PPP1CC: variants seen among roughly 807,000 people sequenced by gnomAD.
PPP1CC encodes protein phosphatase 1 catalytic subunit gamma.
PPP1CC carries 16 observed loss-of-function variants against 38.4 expected under a neutral mutation model. The observed-to-expected ratio is 0.42, with a 90% CI of 0.28 to 0.63. PPP1CC has a LOEUF of 0.63. Ranked by LOEUF, PPP1CC falls within the 30% of genes least tolerant of loss-of-function variation. PPP1CC has a pLI of 0.25. For missense variants in PPP1CC, 170 were observed against 391.3 expected (o/e 0.43, Z 4.77); for synonymous variants, 158 against 136.0 (o/e 1.16, Z -1.13).
In PPP1CC at chr12:110,740,509, A is replaced by G. The variant is rs185196358; in HGVS notation, c.55+2144T>C. 5.6e-4 allele frequency among the ~76,000 whole-genome samples: 85 copies of G among 152,264 alleles called. 2 individuals are homozygous for G. In the East Asian group the frequency reaches 0.013, roughly 23 times the overall value. On this transcript the variant is annotated intron_variant, in intron 1 of 6. Transcript: ENST00000335007. ...CATCATTTAACTTAGATATCTACAT[A>G]TCCTCAATGGATCATCTTCAACTGT...
At chr12:110,714,661 G>T in the PPP1CC span, among the ~76,000 whole-genome samples, 1 of 151,310 alleles carries the variant, frequency 6.6e-6, no homozygotes, top group Non-Finnish European at 1.5e-5. Flanking sequence ...ATAAAAATTA[G>T]CTGGGTGTGT....
At chr12:110,736,255 T>C (rs2069943636) in intron 1 of PPP1CC, among the ~76,000 whole-genome samples, 1 of 152,232 alleles carries the variant, frequency 6.6e-6, no homozygotes, top group African/African-American at 2.4e-5. Context: ...TGTAGAAATG[T>C]ATCTGATCTA....
chr12:110,740,011 C>T (rs965214350), intron 1 of PPP1CC, among the ~76,000 whole-genome samples: 1 of 152,182 alleles, frequency 6.6e-6, no homozygotes, highest in African/African-American at 2.4e-5. Context: ...TGATGCCTCG[C>T]TTACAGAAAT....
the PPP1CC span, among the ~76,000 whole-genome samples, chr12:110,709,006 G>A: frequency 6.6e-6 from 1 of 151,982 alleles, no homozygotes; most frequent in African/African-American, 2.4e-5. Context: ...AGAATCCCAT[G>A]GATAAAGATG....
At chr12:110,733,026 T>C (rs1234570063) in intron 1 of PPP1CC, 2 of 152,188 alleles carry the variant, frequency 1.3e-5, no homozygotes, top group African/African-American at 4.8e-5. Flanking sequence ...ATAGTAATAA[T>C]AGTCTTCGAG....
intron 1 of PPP1CC, chr12:110,732,252 G>A (rs1371616635): frequency 2.8e-6 from 1 of 353,586 alleles, no homozygotes; most frequent in Non-Finnish European, 5.1e-6. Context: ...GAGGTCAAGA[G>A]ATCCAGACCA....
At chr12:110,708,397 A>G in the PPP1CC span, among the ~76,000 whole-genome samples, 4 of 152,232 alleles carry the variant, frequency 2.6e-5, no homozygotes, top group Admixed American at 2.0e-4. Flanking sequence ...TATGACTCCA[A>G]TGTTTATTCA....
At chr12:110,708,533 A>G in the PPP1CC span, among the ~76,000 whole-genome samples, 1 of 152,130 alleles carries the variant, frequency 6.6e-6, no homozygotes, top group Admixed American at 6.6e-5. Context: ...GCCTAATTTC[A>G]TGAGACTTGT....
intron 3 of PPP1CC, among the ~76,000 whole-genome samples, chr12:110,730,251 TG>T (rs1192607298): frequency 6.6e-6 from 1 of 152,176 alleles, no homozygotes; most frequent in Non-Finnish European, 1.5e-5. Flanking sequence ...CCTAGCTACC[TG>T]GGAGGCTGAG....
chr12:110,710,573 C>A, the PPP1CC span, among the ~76,000 whole-genome samples: 1 of 151,356 alleles, frequency 6.6e-6, no homozygotes, highest in Non-Finnish European at 1.5e-5. Context: ...AAAAAATTAG[C>A]TGGGTGTGGT....
intron 1 of PPP1CC, among the ~76,000 whole-genome samples, chr12:110,739,103 TGAGGTCAC>T (rs2069981632): frequency 6.6e-6 from 1 of 152,092 alleles, no homozygotes; most frequent in Non-Finnish European, 1.5e-5. Flanking sequence ...GCAGACCACT[TGAGGTCAC>T]GAGTTCAAAA....
chr12:110,716,843 T>C (rs942906125), downstream of PPP1CC, among the ~76,000 whole-genome samples: 1 of 152,246 alleles, frequency 6.6e-6, no homozygotes, highest in Non-Finnish European at 1.5e-5. Flanking sequence ...GCTGATCAGA[T>C]GGGATGGCAG....
chr12:110,736,486 A>C (rs1384062145), intron 1 of PPP1CC, among the ~76,000 whole-genome samples: 1 of 152,114 alleles, frequency 6.6e-6, no homozygotes, highest in African/African-American at 2.4e-5. Context: ...TCTACCAAAA[A>C]TACAAAATAT....
chr12:110,727,529 C>G (rs1288852178), intron 3 of PPP1CC, among the ~76,000 whole-genome samples: 1 of 151,590 alleles, frequency 6.6e-6, no homozygotes, highest in Non-Finnish European at 1.5e-5. Context: ...CATCAGACAG[C>G]TACGGCAGCA....
At chr12:110,721,396 A>T in intron 6 of PPP1CC, 8 of 393,280 alleles carry the variant, frequency 2.0e-5, no homozygotes, top group Middle Eastern at 7.0e-4. Context: ...GCCTCTGAGT[A>T]TAATGACAAT....
intron 3 of PPP1CC, among the ~76,000 whole-genome samples, chr12:110,728,381 G>C (rs2069831182): frequency 1.4e-5 from 2 of 142,968 alleles, no homozygotes; most frequent in African/African-American, 5.2e-5. Context: ...CTGGGCGACA[G>C]AGCGAGACTC....
At position 110,720,453 on chromosome 12, in the gene PPP1CC, T is replaced by C; in HGVS notation, c.*623A>G. The C allele has an allele frequency of 2.2e-6, 1 of 455,028 alleles. No individual in the cohort carries two copies. The highest frequency in any genetic ancestry group is 3.7e-5 in the East Asian group (1 of 26,804). The allele number at this position is 455,028 out of a possible 1,614,324, so 28.2% of individuals were successfully genotyped here. A position where few individuals can be genotyped will look rare whatever the true frequency, so the allele number is the denominator to read the frequency against. On this transcript the variant is annotated 3_prime_UTR_variant, in exon 7 of 7. Transcript: ENST00000335007. ...GTCACAAATATTTAAAAGAATGGCT[T>C]TGTCATTTTAAGTATACGGTCGGGG...
At chr12:110,715,631 CTTTTT>C (rs1434985124), downstream of PPP1CC, among the ~76,000 whole-genome samples, 1 of 151,338 alleles carries the variant, frequency 6.6e-6, no homozygotes, top group East Asian at 1.9e-4. Flanking sequence ...TACTTTTTTT[CTTTTT>C]TGAGACGGAG....
At chr12:110,728,195 C>CGA (rs1566084409) in intron 3 of PPP1CC, among the ~76,000 whole-genome samples, 1 of 151,500 alleles carries the variant, frequency 6.6e-6, no homozygotes, top group African/African-American at 2.4e-5. Context: ...GTCAGGAGAT[C>CGA]GAGACCATCC....
Sources: allele counts gnomAD v4.1 joint callset (sites outside exome capture counted in the v4.1 genomes callset), GRCh38; gene constraint gnomAD v4.1.1; transcripts MANE v1.5; gene names NCBI Gene and HGNC (gene_info 2026-07-23, HGNC 2026-07-21).